PDE4B: variants seen among roughly 807,000 people sequenced by gnomAD.
PDE4B encodes the protein 3',5'-cyclic-AMP phosphodiesterase 4B.
PDE4B carries 20 observed loss-of-function variants against 82.2 expected under a neutral mutation model. That is an observed-to-expected ratio of 0.24 (90% CI 0.17 to 0.35). PDE4B has a LOEUF of 0.35. PDE4B is among the 10% of genes least tolerant of loss of function. The pLI is 1.00. For missense variants in PDE4B, 655 were observed against 907.2 expected (o/e 0.72, Z 3.57); for synonymous variants, 320 against 318.9 (o/e 1.00, Z -0.04).
At chr1:66,176,327 A>G (rs2101371061) in intron 3 of PDE4B, among the ~76,000 whole-genome samples, 1 of 152,384 alleles carries the variant, frequency 6.6e-6, no homozygotes, top group Middle Eastern at 3.4e-3. Context: ...GGGGCTAGGC[A>G]TCGCCTAAAA....
intron 1 of PDE4B, among the ~76,000 whole-genome samples, chr1:65,905,993 G>A (rs1356152176): frequency 6.6e-6 from 1 of 152,102 alleles, no homozygotes; most frequent in Non-Finnish European, 1.5e-5. Context: ...TGTTGTTGTT[G>A]AGAAATCAGA....
intron 3 of PDE4B, among the ~76,000 whole-genome samples, chr1:66,172,394 T>C (rs1279295357): frequency 6.6e-6 from 1 of 152,250 alleles, no homozygotes; most frequent in African/African-American, 2.4e-5. Context: ...CTATTGTGAA[T>C]AGTGCTGTGA....
intron 3 of PDE4B, among the ~76,000 whole-genome samples, chr1:65,928,728 A>G (rs1647660248): frequency 6.6e-6 from 1 of 151,642 alleles, no homozygotes; most frequent in Non-Finnish European, 1.5e-5. Flanking sequence ...TGACTAATCC[A>G]CTCCATCATC....
intron 3 of PDE4B, among the ~76,000 whole-genome samples, chr1:66,001,032 C>A (rs1651837380): frequency 6.6e-6 from 1 of 152,070 alleles, no homozygotes; most frequent in Admixed American, 6.6e-5. Context: ...TGAAAACCAC[C>A]AGTTTAAGAG....
rs542774554 is a variant in PDE4B, at chr1:66,351,382, C to G, written c.748-4145C>G. On this transcript the variant is annotated intron_variant, in intron 8 of 16. Coordinates refer to ENST00000341517, the MANE Select transcript of PDE4B (RefSeq NM_002600.4). The stretch of plus-strand genomic sequence containing the variant: ...AAAGTAAATAATGCCCATTTCCTTC[C>G]AATCCAGTAACTCCTTGGGACACAG... Among the ~76,000 whole-genome samples, 5 of 152,298 alleles carry G rather than the reference C, an allele frequency of 3.3e-5. No homozygotes were observed. The East Asian group carries it at 9.6e-4, about 29-fold the overall frequency.
At chr1:65,947,736 C>T (rs1648783723) in intron 3 of PDE4B, among the ~76,000 whole-genome samples, 2 of 151,712 alleles carry the variant, frequency 1.3e-5, no homozygotes, top group South Asian at 2.1e-4. Context: ...TGATGGATTG[C>T]CTGGGGGCTA....
chr1:65,812,757 G>A (rs139112511), intron 1 of PDE4B, among the ~76,000 whole-genome samples: 1 of 152,314 alleles, frequency 6.6e-6, no homozygotes, highest in African/African-American at 2.4e-5. Flanking sequence ...ATTATGTATA[G>A]AAATGCACTG....
At chr1:66,108,651 A>T (rs1645422220) in intron 3 of PDE4B, among the ~76,000 whole-genome samples, 1 of 148,960 alleles carries the variant, frequency 6.7e-6, no homozygotes, top group Admixed American at 6.8e-5. Flanking sequence ...AAGACATACG[A>T]ATGGCCAACA....
chr1:66,269,194 C>A (rs75018126), intron 7 of PDE4B, among the ~76,000 whole-genome samples: 175 of 152,248 alleles, frequency 1.1e-3, no homozygotes, highest in Admixed American at 2.0e-3. Context: ...AGGTTTGAAG[C>A]ACACTCTATA....
At chr1:65,996,913 T>G (rs1302926534) in intron 3 of PDE4B, among the ~76,000 whole-genome samples, 1 of 152,204 alleles carries the variant, frequency 6.6e-6, no homozygotes, top group Non-Finnish European at 1.5e-5. Flanking sequence ...TTATCCCCAA[T>G]CCCACATCAG....
intron 3 of PDE4B, among the ~76,000 whole-genome samples, chr1:66,010,619 C>A (rs187939104): frequency 6.6e-6 from 1 of 150,868 alleles, no homozygotes; most frequent in Non-Finnish European, 1.5e-5. Flanking sequence ...CATAGGTTAA[C>A]CTTCTGTGAT....
chr1:66,227,801 C>G (rs958052166), intron 3 of PDE4B, among the ~76,000 whole-genome samples: 11 of 152,196 alleles, frequency 7.2e-5, no homozygotes, highest in Non-Finnish European at 7.3e-5. Flanking sequence ...CATATCTCTT[C>G]TTTGATGTCT....
chr1:66,279,405 C>G (rs1397755402), intron 7 of PDE4B, among the ~76,000 whole-genome samples: 1 of 152,158 alleles, frequency 6.6e-6, no homozygotes, highest in East Asian at 1.9e-4. Context: ...AGATACATTA[C>G]TTGAGGCCAG....
At chr1:66,344,469 TTC>T (rs1275870823) in intron 8 of PDE4B, among the ~76,000 whole-genome samples, 1 of 152,230 alleles carries the variant, frequency 6.6e-6, no homozygotes, top group Non-Finnish European at 1.5e-5. Context: ...TTTATATTTT[TTC>T]TTTTACATAT....
intron 3 of PDE4B, among the ~76,000 whole-genome samples, chr1:66,068,042 A>G (rs542379799): frequency 4.9e-4 from 75 of 151,754 alleles, no homozygotes; most frequent in African/African-American, 1.6e-3. Flanking sequence ...ATGTATACAT[A>G]TGTAACAAAC....
At chr1:66,158,621 C>T (rs1646548442) in intron 3 of PDE4B, among the ~76,000 whole-genome samples, 1 of 152,106 alleles carries the variant, frequency 6.6e-6, no homozygotes, top group South Asian at 2.1e-4. Context: ...ATCAGTATGT[C>T]AAAGAGATAT....
chr1:66,274,264 G>A (rs1004193242), intron 7 of PDE4B, among the ~76,000 whole-genome samples: 1 of 151,626 alleles, frequency 6.6e-6, no homozygotes, highest in Non-Finnish European at 1.5e-5. Context: ...AGGTTCAAGT[G>A]AGTCTCCTGC....
At chr1:66,337,030 A>G (rs1178308392) in intron 8 of PDE4B, among the ~76,000 whole-genome samples, 1 of 152,228 alleles carries the variant, frequency 6.6e-6, no homozygotes, top group Non-Finnish European at 1.5e-5. Flanking sequence ...ATCAATAACT[A>G]TGGAAAATGC....
chr1:66,075,869 T>C (rs1295163492), intron 3 of PDE4B, among the ~76,000 whole-genome samples: 1 of 151,844 alleles, frequency 6.6e-6, no homozygotes, highest in Non-Finnish European at 1.5e-5. Flanking sequence ...ATGTTTTTAA[T>C]GCCGGCAACT....
Sources: gnomAD v4.1 joint callset for allele counts (sites outside exome capture counted in the v4.1 genomes callset) on GRCh38, gnomAD v4.1.1 for gene constraint, MANE v1.5 for transcripts, NCBI Gene and HGNC (gene_info 2026-07-23, HGNC 2026-07-21) for gene names.